Variants in MYO5B observed in about 807,000 individuals in gnomAD.
MYO5B encodes the protein myosin VB.
In MYO5B, 143 loss-of-function variants were observed where a neutral mutation model predicts 229.3. That is an observed-to-expected ratio of 0.62 (90% CI 0.54 to 0.72). MYO5B has a LOEUF of 0.72. Ranked by LOEUF, MYO5B falls within the 30% of genes least tolerant of loss-of-function variation. The pLI, the probability that MYO5B is intolerant of heterozygous loss-of-function variation, is 0.00. For missense variants in MYO5B, 2,321 were observed against 2,331.0 expected (o/e 1.00, Z 0.09); for synonymous variants, 918 against 885.2 (o/e 1.04, Z -0.66).
Position 50,191,395 on chromosome 18 carries a change from A to T in MYO5B, c.27+3372T>A, listed in dbSNP as rs1408311256. Among the ~76,000 whole-genome samples, 5 of 152,134 alleles carry T rather than the reference A, an allele frequency of 3.3e-5. No homozygotes were observed. In the East Asian group the frequency reaches 9.6e-4, roughly 29 times the overall value. ...ATTAATTATGCCAACCCCTCACACC[A>T]ATGAAGCTACTTTTTAAGTGTCTTA... On this transcript the variant is annotated intron_variant, in intron 1 of 39. Transcript: ENST00000285039.
intron 9 of MYO5B, among the ~76,000 whole-genome samples, chr18:49,978,581 CT>C (rs899271626): frequency 7.2e-5 from 11 of 152,112 alleles, no homozygotes; most frequent in African/African-American, 2.7e-4. Context: ...TCTTGGGTAC[CT>C]GGTGAGTGCT....
chr18:50,053,036 T>C (rs1305401776), intron 2 of MYO5B, among the ~76,000 whole-genome samples: 6 of 152,140 alleles, frequency 3.9e-5, no homozygotes, highest in Non-Finnish European at 8.8e-5. Flanking sequence ...CCAGCCAGCA[T>C]AGTACACCAT....
chr18:49,988,104 T>C (rs7239105), intron 7 of MYO5B, among the ~76,000 whole-genome samples: 7,891 of 152,244 alleles, frequency 0.052, 316 homozygotes, highest in African/African-American at 0.11. Flanking sequence ...TGCACAAAAC[T>C]TACGCCAAGC....
intron 33 of MYO5B, 43 bp downstream of exon 33, chr18:49,847,103 G>A: frequency 1.2e-6 from 2 of 1,613,058 alleles, no homozygotes; most frequent in Non-Finnish European, 1.7e-6. Flanking sequence ...AGCGGGGGCT[G>A]AAGGAGGGGC....
intron 27 of MYO5B, among the ~76,000 whole-genome samples, chr18:49,866,223 C>T (rs2024394485): frequency 2.0e-5 from 3 of 151,940 alleles, no homozygotes; most frequent in Admixed American, 1.3e-4. Flanking sequence ...CGCCCACCAC[C>T]ACGCCTGGCT....
intron 1 of MYO5B, among the ~76,000 whole-genome samples, chr18:50,107,874 C>T (rs374757680): frequency 2.6e-5 from 4 of 152,258 alleles, no homozygotes; most frequent in Admixed American, 2.0e-4. Context: ...GTCCCCAACT[C>T]CCATGTGACC....
Position 50,157,928 on chromosome 18 carries a change from A to C in MYO5B, c.27+36839T>G, listed in dbSNP as rs866510500. On this transcript the variant is annotated intron_variant, in intron 1 of 39. Coordinates refer to ENST00000285039, the MANE Select transcript of MYO5B (RefSeq NM_001080467.3). ...ATATTTTAAAAACCAAGATCCATAT[A>C]CTTGTTCAACCAGAACTCACTGGAA... Among the ~76,000 whole-genome samples, 12 of 152,344 alleles carry C rather than the reference A, an allele frequency of 7.9e-5. No individual in the cohort carries two copies. In the Middle Eastern group the frequency reaches 0.01, roughly 130 times the overall value.
chr18:49,908,157 A>G (rs1284615108), intron 18 of MYO5B, among the ~76,000 whole-genome samples: 1 of 152,192 alleles, frequency 6.6e-6, no homozygotes, highest in Non-Finnish European at 1.5e-5. Flanking sequence ...TTCGGAAAAA[A>G]AACAGGAAGG....
At chr18:49,949,793 A>AC (rs1165356969) in intron 14 of MYO5B, among the ~76,000 whole-genome samples, 3 of 152,378 alleles carry the variant, frequency 2.0e-5, no homozygotes, top group African/African-American at 7.2e-5. Context: ...TAATGTAATG[A>AC]CATAGAAACT....
intron 3 of MYO5B, among the ~76,000 whole-genome samples, chr18:50,039,798 G>C (rs1263793672): frequency 6.6e-6 from 1 of 152,028 alleles, no homozygotes; most frequent in African/African-American, 2.4e-5. Flanking sequence ...AATAAAACAA[G>C]GCAAAACAAA....
chr18:50,026,013 G>C (rs190001591), intron 4 of MYO5B, among the ~76,000 whole-genome samples: 175 of 152,256 alleles, frequency 1.1e-3, no homozygotes, highest in African/African-American at 4.0e-3. Context: ...GTTTTAAAAA[G>C]ATGTAAAAAA....
At chr18:49,848,719 G>A (rs1466883081) in intron 32 of MYO5B, among the ~76,000 whole-genome samples, 1 of 152,084 alleles carries the variant, frequency 6.6e-6, no homozygotes, top group Non-Finnish European at 1.5e-5. Flanking sequence ...TTAGGAGTAA[G>A]CAAAGCTTGA....
Position 49,894,940 on chromosome 18 carries a change from C to A in MYO5B, c.3045+1G>T. 1 of 1,612,156 alleles carries A rather than the reference C, an allele frequency of 6.2e-7. No individual in the cohort carries two copies. The highest frequency in any genetic ancestry group is 8.5e-7 in the Non-Finnish European group (1 of 1,179,818). On this transcript the variant is annotated splice_donor_variant, in intron 22 of 39. Coordinates refer to ENST00000285039, the MANE Select transcript of MYO5B (RefSeq NM_001080467.3). LOFTEE classifies it high-confidence loss of function. ...CGCCTGCCCCTCTGGCCTGAGCATA[C>A]CTTCCTCAGCTCATCTTTCTCCCTG...
At chr18:50,126,278 A>G (rs2032161342) in intron 1 of MYO5B, among the ~76,000 whole-genome samples, 1 of 152,188 alleles carries the variant, frequency 6.6e-6, no homozygotes, top group Non-Finnish European at 1.5e-5. Flanking sequence ...TATAATGCTT[A>G]TTTTCCAGAT....
intron 1 of MYO5B, among the ~76,000 whole-genome samples, chr18:50,084,011 T>C (rs1666350027): frequency 6.6e-6 from 1 of 152,196 alleles, no homozygotes; most frequent in Non-Finnish European, 1.5e-5. Flanking sequence ...GCAAGTCATA[T>C]CATCTCCCTG....
rs1027703701 is a variant in MYO5B at position 49,897,072 on chromosome 18, T to C, written c.2812-1898A>G. 4.6e-5 allele frequency among the ~76,000 whole-genome samples: 7 copies of C among 152,306 alleles called. No homozygotes were observed. In the East Asian group the frequency reaches 1.3e-3, roughly 29 times the overall value. The stretch of plus-strand genomic sequence containing the variant: ...GGAGAGTTGCCCGAGTCTCTGGCTG[T>C]CTGGGGTGTGGGTGGGGAGCTCCTA... On this transcript the variant is annotated intron_variant, in intron 21 of 39. Coordinates refer to ENST00000285039, the MANE Select transcript of MYO5B (RefSeq NM_001080467.3).
At chr18:49,925,695 C>A (rs1383775651) in intron 17 of MYO5B, among the ~76,000 whole-genome samples, 1 of 152,206 alleles carries the variant, frequency 6.6e-6, no homozygotes, top group Non-Finnish European at 1.5e-5. Flanking sequence ...CAGCCAGGAG[C>A]AGGAGTGCAG....
At chr18:49,877,140 C>T (rs770374518) in intron 25 of MYO5B, among the ~76,000 whole-genome samples, 10 of 152,148 alleles carry the variant, frequency 6.6e-5, no homozygotes, top group South Asian at 2.1e-4. Context: ...CGCACACACA[C>T]GCGCGCATGT....
At chr18:49,863,426 A>C in intron 28 of MYO5B, 99 bp from the exon 29 acceptor site, 2 of 974,740 alleles carry the variant, frequency 2.1e-6, no homozygotes, top group East Asian at 5.0e-5. Context: ...GGGAAAAGAC[A>C]AAGGCCTGGA....
Sources: gnomAD v4.1 joint callset for allele counts (sites outside exome capture counted in the v4.1 genomes callset) on GRCh38, gnomAD v4.1.1 for gene constraint, MANE v1.5 for transcripts, NCBI Gene and HGNC (gene_info 2026-07-23, HGNC 2026-07-21) for gene names.